The following ARHGAP31 variants were observed in gnomAD, a reference collection of about 807,000 sequenced individuals.
The protein encoded by ARHGAP31 is rho GTPase-activating protein 31.
ARHGAP31 carries 34 observed loss-of-function variants against 113.9 expected under a neutral mutation model. The observed-to-expected ratio is 0.30, with a 90% CI of 0.23 to 0.40. The LOEUF is 0.40. Among genes scored for constraint, ARHGAP31 ranks in the 10% least tolerant of loss-of-function variants. The pLI is 1.00. For synonymous variants in ARHGAP31, 650 were observed against 684.8 expected, an observed-to-expected ratio of 0.95 and a Z score of 0.79; for missense variants, 1,548 against 1,767.1, an observed-to-expected ratio of 0.88 and a Z score of 2.22.
At chr3:119,391,347 G>A (rs181113491) in intron 7 of ARHGAP31, among the ~76,000 whole-genome samples, 2 of 152,008 alleles carry the variant, frequency 1.3e-5, no homozygotes, top group East Asian at 1.9e-4. Flanking sequence ...ACAAAACTTC[G>A]ACCCCCTCCC....
At position 119,415,791 on chromosome 3, in the gene ARHGAP31, C is replaced by T. The variant is rs945222892; in HGVS notation, c.3862C>T (p.Leu1288Phe). ...ACCCTGCATGTGCGAGGGACCTACC[C>T]TTTCTCCAGAACCAGGCTCGTCTAA... is the stretch of plus-strand genomic sequence containing the variant. ...TAPCMCEGPT[L>F]SPEPGSSNLL... is the part of the protein sequence containing the mutation. Residue 1288 changes from leucine (L) to phenylalanine (F), a missense_variant, in exon 12 of 12, where the codon CTT becomes TTT. Leu to Phe is a conservative substitution (Grantham distance 22). Coordinates refer to ENST00000264245, the MANE Select transcript of ARHGAP31 (RefSeq NM_020754.4). 7 of 1,614,248 alleles carry T rather than the reference C, an allele frequency of 4.3e-6. No homozygotes were observed. The highest frequency in any genetic ancestry group is 1.3e-5 in the African/African-American group (1 of 75,068).
intron 3 of ARHGAP31, among the ~76,000 whole-genome samples, chr3:119,378,794 C>A (rs2080371357): frequency 6.6e-6 from 1 of 152,170 alleles, no homozygotes; most frequent in South Asian, 2.1e-4. Flanking sequence ...AATGACAACC[C>A]CAGGGAAGAA....
chr3:119,391,202 C>G (rs747219777), intron 7 of ARHGAP31, among the ~76,000 whole-genome samples: 7 of 152,150 alleles, frequency 4.6e-5, no homozygotes, highest in Non-Finnish European at 1.0e-4. Flanking sequence ...GTTAACAAGA[C>G]CCCTGATCTC....
intron 1 of ARHGAP31, among the ~76,000 whole-genome samples, chr3:119,317,147 T>C (rs1253687236): frequency 1.3e-5 from 2 of 152,188 alleles, no homozygotes; most frequent in African/African-American, 4.8e-5. Flanking sequence ...ATGTTTTATG[T>C]TTTGTATGGT....
chr3:119,343,159 T>C (rs1398836177), intron 1 of ARHGAP31, among the ~76,000 whole-genome samples: 1 of 152,220 alleles, frequency 6.6e-6, no homozygotes, highest in Non-Finnish European at 1.5e-5. Flanking sequence ...ATTTGTACAT[T>C]CAATCATGCA....
chr3:119,412,983 A>C (rs1257788973), intron 11 of ARHGAP31, among the ~76,000 whole-genome samples: 1 of 150,502 alleles, frequency 6.6e-6, no homozygotes, highest in Non-Finnish European at 1.5e-5. Context: ...ACGCCACTGC[A>C]CTCCATCCAG....
At chr3:119,370,631 GT>G (rs1235020726) in intron 3 of ARHGAP31, among the ~76,000 whole-genome samples, 1 of 152,114 alleles carries the variant, frequency 6.6e-6, no homozygotes, top group Non-Finnish European at 1.5e-5. Flanking sequence ...ACATATTGCT[GT>G]TTGGGGGATG....
At chr3:119,365,926 T>C (rs987862972) in intron 2 of ARHGAP31, among the ~76,000 whole-genome samples, 1 of 151,864 alleles carries the variant, frequency 6.6e-6, no homozygotes, top group Non-Finnish European at 1.5e-5. Context: ...TACTGATGGG[T>C]GAAAAAAATA....
intron 5 of ARHGAP31, 21 bp from the exon 6 acceptor site, chr3:119,383,063 T>C: frequency 6.2e-7 from 1 of 1,613,868 alleles, no homozygotes; most frequent in Non-Finnish European, 8.5e-7. Context: ...ACTAACTGAA[T>C]ATGTTTCTTC....
chr3:119,395,480 G>A (rs760960462), intron 8 of ARHGAP31, among the ~76,000 whole-genome samples: 5 of 152,214 alleles, frequency 3.3e-5, no homozygotes, highest in African/African-American at 4.8e-5. Flanking sequence ...TTCATCCCCA[G>A]ACTGGCTTCC....
intron 2 of ARHGAP31, among the ~76,000 whole-genome samples, chr3:119,366,803 T>C (rs973689985): frequency 1.3e-5 from 2 of 152,032 alleles, no homozygotes; most frequent in East Asian, 3.9e-4. Flanking sequence ...CATAGTTCTC[T>C]TTTAAAACAT....
At position 119,311,362 on chromosome 3, in the gene ARHGAP31, C is replaced by T. The variant is rs368743795; in HGVS notation, c.100+16358C>T. 5.9e-5 allele frequency among the ~76,000 whole-genome samples: 9 copies of T among 152,280 alleles called. No individual in the cohort carries two copies. The East Asian group carries it at 1.2e-3, about 20-fold the overall frequency. On this transcript the variant is annotated intron_variant, in intron 1 of 11. Transcript: ENST00000264245. ...TTCCTTGACTCATGTCACCTTTGCT[C>T]CTCAGCCTCCATCCTCACATTGTCT...
At chr3:119,304,811 C>T (rs946447744) in intron 1 of ARHGAP31, among the ~76,000 whole-genome samples, 12 of 152,052 alleles carry the variant, frequency 7.9e-5, no homozygotes, top group Admixed American at 6.5e-4. Flanking sequence ...GAAAGAATTG[C>T]TTGAACCCGG....
chr3:119,379,325 G>T (rs2080375803), intron 3 of ARHGAP31, among the ~76,000 whole-genome samples: 1 of 152,214 alleles, frequency 6.6e-6, no homozygotes, highest in Non-Finnish European at 1.5e-5. Context: ...GGAGGCCCAG[G>T]CTGGAGCAGG....
chr3:119,402,528 C>T, intron 10 of ARHGAP31, 131 bp downstream of exon 10: 1 of 940,376 alleles, frequency 1.1e-6, no homozygotes, highest in Admixed American at 2.0e-5. Flanking sequence ...GGTACAAATC[C>T]ACGCTCTGCC....
chr3:119,323,556 A>G (rs1208899158), intron 1 of ARHGAP31, among the ~76,000 whole-genome samples: 1 of 152,162 alleles, frequency 6.6e-6, no homozygotes, highest in Non-Finnish European at 1.5e-5. Flanking sequence ...ATGACAGGAA[A>G]CGAAGAGGGA....
At chr3:119,376,992 G>T (rs556862887) in intron 3 of ARHGAP31, among the ~76,000 whole-genome samples, 1 of 152,344 alleles carries the variant, frequency 6.6e-6, no homozygotes, top group Admixed American at 6.5e-5. Flanking sequence ...AAAAGGAGCT[G>T]CCTCTGCAAT....
At chr3:119,400,331 G>C (rs2107639760) in intron 9 of ARHGAP31, among the ~76,000 whole-genome samples, 1 of 152,166 alleles carries the variant, frequency 6.6e-6, no homozygotes, top group South Asian at 2.1e-4. Flanking sequence ...AGCTACTCAG[G>C]AAGCCGAGGC....
intron 1 of ARHGAP31, among the ~76,000 whole-genome samples, chr3:119,337,028 A>C (rs2079957752): frequency 6.6e-6 from 1 of 152,228 alleles, no homozygotes; most frequent in Non-Finnish European, 1.5e-5. Flanking sequence ...TTCTATGGAT[A>C]TACCACAGTT....
Sources: gnomAD v4.1 joint callset for allele counts (sites outside exome capture counted in the v4.1 genomes callset) on GRCh38, gnomAD v4.1.1 for gene constraint, MANE v1.5 for transcripts, NCBI Gene and HGNC (gene_info 2026-07-23, HGNC 2026-07-21) for gene names.